Variants in PRAG1 observed in about 807,000 individuals in gnomAD.
PRAG1 encodes the protein inactive tyrosine-protein kinase PRAG1.
Under a neutral mutation model 95.6 loss-of-function variants are expected in PRAG1, and 110 were observed. The ratio of observed to expected loss-of-function variants is 1.15; its 90% CI spans 0.99 to 1.35. PRAG1 has a LOEUF of 1.35. Among genes scored for constraint, PRAG1 ranks in the 40% most tolerant of loss-of-function variants. PRAG1 has a pLI of 0.00. For missense variants in PRAG1, 2,554 were observed against 1,864.7 expected (o/e 1.37, Z -6.81); for synonymous variants, 1,052 against 819.4 (o/e 1.28, Z -4.85).
At chr8:8,354,641 T>C (rs34796521) in intron 3 of PRAG1, among the ~76,000 whole-genome samples, 49,376 of 152,042 alleles carry the variant, frequency 0.32, 8,755 homozygotes, top group East Asian at 0.64. Context: ...AAATAAATCA[T>C]TGTAATATGT....
chr8:8,382,004 T>C (rs368835121), intron 1 of PRAG1, among the ~76,000 whole-genome samples, 170 bp from the exon 2 acceptor site: 3 of 152,144 alleles, frequency 2.0e-5, no homozygotes, highest in Non-Finnish European at 2.9e-5. Flanking sequence ...TCTTAAACAT[T>C]CTCTGGTGGT....
At chr8:8,323,350 G>A (rs1425620297) in intron 5 of PRAG1, among the ~76,000 whole-genome samples, 2 of 135,502 alleles carry the variant, frequency 1.5e-5, no homozygotes. Flanking sequence ...ATAGAGTCTT[G>A]CTCTGTTGCC....
chr8:8,320,503 C>T lies in PRAG1; in HGVS notation c.3073-1201G>A, dbSNP rs79051923. 7.9e-4 allele frequency among the ~76,000 whole-genome samples: 121 copies of T among 152,236 alleles called. 1 individual carries two copies. The East Asian group carries it at 0.013, about 17-fold the overall frequency. ...CTCAACTAGAGAGTCTTGAACCAGC[C>T]GTAATGGCCCTCTGTCAGGCCTCAA... On this transcript the variant is annotated intron_variant, in intron 5 of 5. Transcript: ENST00000615670.
At chr8:8,360,176 G>A (rs76107846) in intron 3 of PRAG1, among the ~76,000 whole-genome samples, 3,035 of 152,224 alleles carry the variant, frequency 0.02, 94 homozygotes, top group African/African-American at 0.07. Context: ...TTCTTCTTCA[G>A]AAGTAGTCAC....
rs755920024 is a variant in PRAG1 at position 8,328,351 on chromosome 8, G to T, written c.2431C>A (p.Gln811Lys). ...TEDVSPSGPQ[Q>K]PPPLPQKKIV... ...TTTTTCTGGGGGAGTGGAGGGGGCTGCTGGGGGCCACTGGGGGACACGTCC... is the reference window on the plus strand; with the variant it reads ...TTTTTCTGGGGGAGTGGAGGGGGCTTCTGGGGGCCACTGGGGGACACGTCC... The change falls in exon 5 of 6, where the codon CAG becomes AAG. Residue 811 changes from glutamine (Q) to lysine (K), a missense_variant. Transcript: ENST00000615670. The T allele has an allele frequency of 4.3e-6, 7 of 1,613,504 alleles. No homozygotes were observed. The highest frequency in any genetic ancestry group is 5.9e-6 in the Non-Finnish European group (7 of 1,179,844).
rs369943691 is a variant in PRAG1, at chr8:8,344,539, G to A, written c.2163-4904C>T. On this transcript the variant is annotated intron_variant, in intron 3 of 5. Coordinates refer to ENST00000615670, the MANE Select transcript of PRAG1 (RefSeq NM_001080826.3). ...TTGAAATGGGAATTGGATAGGGAGG[G>A]ATCTTCCACAGTAGCAGTAACATTT... 2.4e-4 allele frequency among the ~76,000 whole-genome samples: 37 copies of A among 152,230 alleles called. 1 individual carries two copies. The East Asian group carries it at 6.8e-3, about 28-fold the overall frequency.
At chr8:8,382,917 A>G (rs974142545) in intron 1 of PRAG1, among the ~76,000 whole-genome samples, 2 of 152,214 alleles carry the variant, frequency 1.3e-5, no homozygotes, top group African/African-American at 4.8e-5. Flanking sequence ...TCCTCCCTGC[A>G]GTGGTGATTT....
chr8:8,377,185 C>T lies in PRAG1; in HGVS notation c.1224G>A (p.Gln408=). ...QPPAHPREAT[Q]PEPIYAESTK... ...TGCTCTCAGCATAGATGGGTTCAGG[C>T]TGTGTAGCCTCCCGGGGGTGGGCCG... The change falls in exon 3 of 6, where the codon CAG becomes CAA. Residue 408 remains glutamine, a synonymous_variant. Transcript: ENST00000615670. The T allele has an allele frequency of 6.2e-7, 1 of 1,611,604 alleles. No homozygotes were observed. Among genetic ancestry groups the T allele is most frequent in the South Asian group, 1.1e-5 (1 of 91,056 alleles).
intron 3 of PRAG1, among the ~76,000 whole-genome samples, chr8:8,375,468 G>A (rs1435631544): frequency 2.0e-5 from 3 of 151,960 alleles, no homozygotes; most frequent in Non-Finnish European, 4.4e-5. Context: ...CCAAAGTGCT[G>A]AGATTACAGG....
At chr8:8,345,739 G>A (rs1799319184) in intron 3 of PRAG1, among the ~76,000 whole-genome samples, 1 of 152,156 alleles carries the variant, frequency 6.6e-6, no homozygotes, top group African/African-American at 2.4e-5. Context: ...AGGTTGCAGT[G>A]AGCTGAGATG....
Position 8,377,959 on chromosome 8 carries a change from A to C in PRAG1, c.450T>G (p.Asp150Glu). 2 of 1,613,844 alleles carry C rather than the reference A, an allele frequency of 1.2e-6. No individual in the cohort carries two copies. Among genetic ancestry groups the C allele is most frequent in the Non-Finnish European group, 1.7e-6 (2 of 1,179,950 alleles). The change falls in exon 3 of 6, where the codon GAT becomes GAG. Residue 150 changes from aspartate (D) to glutamate (E), a missense_variant. Asp to Glu is a conservative substitution (Grantham distance 45). Coordinates refer to ENST00000615670, the MANE Select transcript of PRAG1 (RefSeq NM_001080826.3). ...AAGCTGGGGGACAGCGAGAATTGCCATCAGGGGAGGTAGAGGGACCAGCAG... is the reference window on the plus strand; with the variant it reads ...AAGCTGGGGGACAGCGAGAATTGCCCTCAGGGGAGGTAGAGGGACCAGCAG... The part of the protein sequence containing the change: ...QKPAGPSTSP[D>E]GNSRCPPAYT...
At position 8,357,165 on chromosome 8, in the gene PRAG1, A is replaced by G. The variant is rs139920641; in HGVS notation, c.2163-17530T>C. On this transcript the variant is annotated intron_variant, in intron 3 of 5. Coordinates refer to ENST00000615670, the MANE Select transcript of PRAG1 (RefSeq NM_001080826.3). ...ATGACAACAAAAGCAAAGACAACAA[A>G]AGCAAAAATAGATAAACTGGACTAC... Among the ~76,000 whole-genome samples, 11 of 152,368 alleles carry G rather than the reference A, an allele frequency of 7.2e-5. No individual in the cohort carries two copies. The East Asian group carries it at 2.1e-3, about 29-fold the overall frequency.
chr8:8,318,803 G>C lies in PRAG1; in HGVS notation c.3572C>G (p.Thr1191Ser). 2 of 1,488,058 alleles carry C rather than the reference G, an allele frequency of 1.3e-6. No homozygotes were observed. The highest frequency in any genetic ancestry group is 1.3e-5 in the South Asian group (1 of 76,158). 92.2% of individuals were successfully genotyped at this position (1,488,058 alleles called of 1,614,324 possible). ...GGCGGGGCCGGCTGCGGGGCTGAGA[G>C]TGCCACCAGCAGGCGGGGCGGCAGA... is the stretch of plus-strand genomic sequence containing the variant. The part of the protein sequence containing the change: ...CSSAAPPAGG[T>S]LSPAAGPASP... Residue 1191 changes from threonine to serine, a missense_variant, in exon 6 of 6, where the codon ACT becomes AGT. Thr to Ser is a moderately conservative substitution (Grantham distance 58). Coordinates refer to ENST00000615670, the MANE Select transcript of PRAG1 (RefSeq NM_001080826.3). The surrounding 1 kb of genome is among the most constrained non-coding windows in gnomAD (Gnocchi z 4.2).
intron 4 of PRAG1, among the ~76,000 whole-genome samples, chr8:8,332,076 A>G (rs1798837752): frequency 6.6e-6 from 1 of 152,136 alleles, no homozygotes; most frequent in African/African-American, 2.4e-5. Context: ...AAAGTCCTGT[A>G]GCTACACAAA....
At position 8,377,232 on chromosome 8, in the gene PRAG1, G is replaced by A. The variant is rs1049710336; in HGVS notation, c.1177C>T (p.Leu393=). 2 of 1,612,660 alleles carry A rather than the reference G, an allele frequency of 1.2e-6. No individual in the cohort carries two copies. The highest frequency in any genetic ancestry group is 2.7e-5 in the African/African-American group (2 of 75,062). Residue 393 remains leucine (L), a synonymous_variant, in exon 3 of 6, where the codon CTG becomes TTG. Coordinates refer to ENST00000615670, the MANE Select transcript of PRAG1 (RefSeq NM_001080826.3). ...PGVTPSRCLG[L]TGEPQPPAHP... is the part of the protein sequence containing the mutation. ...GCCGGGGGCTGGGGCTCCCCCGTCA[G>A]CCCAAGGCATCTGCTAGGGGTCACC...
In PRAG1 at chr8:8,328,385, G is replaced by A. The variant is rs1242099588; in HGVS notation, c.2397C>T (p.Gly799=). 2 of 1,613,758 alleles carry A rather than the reference G, an allele frequency of 1.2e-6. No individual in the cohort carries two copies. The highest frequency in any genetic ancestry group is 1.7e-6 in the Non-Finnish European group (2 of 1,179,974). ...CACTGGGGGACACGTCCTCAGTGGA[G>A]CCTGAAGGAAACGGAACGGGAGCAA... The part of the protein sequence containing the change: ...KLFAPVPFPS[G]STEDVSPSGP... Residue 799 remains glycine (G), a synonymous_variant, in exon 5 of 6, where the codon GGC becomes GGT. Coordinates refer to ENST00000615670, the MANE Select transcript of PRAG1 (RefSeq NM_001080826.3).
At chr8:8,355,277 T>C (rs1375414589) in intron 3 of PRAG1, among the ~76,000 whole-genome samples, 2 of 152,124 alleles carry the variant, frequency 1.3e-5, no homozygotes. Flanking sequence ...CATAATTAAA[T>C]GCAAATATAT....
intron 4 of PRAG1, among the ~76,000 whole-genome samples, chr8:8,330,498 T>C (rs1220015855): frequency 1.3e-5 from 2 of 152,218 alleles, no homozygotes; most frequent in East Asian, 3.8e-4. Flanking sequence ...CATTTGCTAA[T>C]GATAGGCGGG....
intron 3 of PRAG1, among the ~76,000 whole-genome samples, chr8:8,358,455 G>C (rs1585255308): frequency 6.6e-6 from 1 of 152,152 alleles, no homozygotes; most frequent in South Asian, 2.1e-4. Flanking sequence ...CAACCCTGTG[G>C]GTTGGAGTGG....
Sources: gnomAD v4.1 joint callset for allele counts (sites outside exome capture counted in the v4.1 genomes callset) on GRCh38, gnomAD v4.1.1 for gene constraint, Gnocchi (gnomAD v3.1) non-coding constraint, MANE v1.5 for transcripts, NCBI Gene and HGNC (gene_info 2026-07-23, HGNC 2026-07-21) for gene names.